SCAPER: variants seen among roughly 807,000 people sequenced by gnomAD.
SCAPER encodes the protein S-phase cyclin A associated protein in the ER, also known as S phase cyclin A-associated protein in the endoplasmic reticulum.
SCAPER carries 98 observed loss-of-function variants against 182.2 expected under a neutral mutation model. The ratio of observed to expected loss-of-function variants is 0.54; its 90% CI spans 0.46 to 0.64. The LOEUF (loss-of-function observed/expected upper bound fraction) is 0.64. Among genes scored for constraint, SCAPER ranks in the 30% least tolerant of loss-of-function variants. SCAPER has a pLI of 0.00. For missense variants in SCAPER, 1,432 were observed against 1,690.0 expected (o/e 0.85, Z 2.68); for synonymous variants, 605 against 564.6 (o/e 1.07, Z -1.01).
intron 25 of SCAPER, among the ~76,000 whole-genome samples, chr15:76,461,690 T>C (rs992929631): frequency 7.9e-5 from 12 of 152,204 alleles, no homozygotes; most frequent in Non-Finnish European, 1.6e-4. Flanking sequence ...ATATCCTTGT[T>C]TGCTAATTCT....
At chr15:76,519,940 C>T (rs1163545716) in intron 23 of SCAPER, among the ~76,000 whole-genome samples, 1 of 152,050 alleles carries the variant, frequency 6.6e-6, no homozygotes, top group African/African-American at 2.4e-5. Flanking sequence ...AATAGTATAC[C>T]CTTAATGTTC....
chr15:76,658,580 C>T (rs188182886), intron 21 of SCAPER, among the ~76,000 whole-genome samples: 19 of 152,112 alleles, frequency 1.2e-4, no homozygotes, highest in Admixed American at 1.2e-3. Context: ...TCATACGGAA[C>T]CAAAAAAGAG....
chr15:76,775,368 A>C (rs1250844015), intron 8 of SCAPER, among the ~76,000 whole-genome samples: 3 of 152,162 alleles, frequency 2.0e-5, no homozygotes, highest in African/African-American at 7.2e-5. Context: ...AGTAATAATA[A>C]ATATTTAAAT....
intron 20 of SCAPER, among the ~76,000 whole-genome samples, chr15:76,701,176 G>A (rs1203028499): frequency 1.3e-5 from 2 of 151,270 alleles, no homozygotes; most frequent in Non-Finnish European, 2.9e-5. Context: ...ACTTTTCCTG[G>A]ACAGCTTGAG....
At chr15:76,413,073 T>A (rs2142238154) in intron 26 of SCAPER, among the ~76,000 whole-genome samples, 1 of 152,354 alleles carries the variant, frequency 6.6e-6, no homozygotes, top group East Asian at 1.9e-4. Context: ...GTTATATTTG[T>A]ATATTCAAAC....
intron 24 of SCAPER, among the ~76,000 whole-genome samples, chr15:76,489,297 A>T (rs74024123): frequency 0.05 from 7,412 of 148,854 alleles, 556 homozygotes; most frequent in African/African-American, 0.16. Context: ...TTGCTATGTA[A>T]TTTTAAAAAT....
intron 21 of SCAPER, among the ~76,000 whole-genome samples, chr15:76,629,256 C>T (rs2052872891): frequency 6.6e-6 from 1 of 152,176 alleles, no homozygotes; most frequent in Non-Finnish European, 1.5e-5. Context: ...TTATTTTTTT[C>T]TCTTGCCTGA....
intron 4 of SCAPER, among the ~76,000 whole-genome samples, chr15:76,846,054 G>C (rs1181332050): frequency 1.3e-5 from 2 of 151,954 alleles, no homozygotes; most frequent in African/African-American, 4.8e-5. Flanking sequence ...CACCTACAGT[G>C]AACTTATTTT....
chr15:76,680,389 G>T (rs1185364323), intron 20 of SCAPER, among the ~76,000 whole-genome samples: 1 of 145,996 alleles, frequency 6.8e-6, no homozygotes, highest in East Asian at 2.0e-4. Flanking sequence ...GACAAAGTAG[G>T]TCATTTCATG....
intron 14 of SCAPER, among the ~76,000 whole-genome samples, chr15:76,756,441 G>A (rs1178577010): frequency 1.3e-5 from 2 of 152,054 alleles, no homozygotes. Context: ...AACCAGGCAA[G>A]ATGGCATGTG....
chr15:76,530,370 C>A (rs1162581500), intron 23 of SCAPER, among the ~76,000 whole-genome samples: 1 of 152,178 alleles, frequency 6.6e-6, no homozygotes, highest in Non-Finnish European at 1.5e-5. Context: ...TATCAGGCAT[C>A]CAATTTACTT....
Position 76,507,098 on chromosome 15 carries a change from C to T in SCAPER, c.2839-2124G>A, listed in dbSNP as rs2041650348. ...AAATTCATATGTGGAGGTCCCAACC[C>T]CTAGTATTTCAGAATATAACTGTAT... On this transcript the variant is annotated intron_variant, in intron 23 of 31. Coordinates refer to ENST00000563290, the MANE Select transcript of SCAPER (RefSeq NM_020843.4). Among the ~76,000 whole-genome samples the T allele has an allele frequency of 1.3e-5, 2 of 152,038 alleles. 1 individual carries two copies. Among genetic ancestry groups the T allele is most frequent in the South Asian group, 4.2e-4 (2 of 4,814 alleles).
chr15:76,801,115 T>C (rs1005992906), intron 6 of SCAPER, among the ~76,000 whole-genome samples: 4 of 152,246 alleles, frequency 2.6e-5, no homozygotes, highest in Admixed American at 6.5e-5. Context: ...TTTATTATCA[T>C]TACTAGTGAA....
rs984133461 is a variant in SCAPER at position 76,558,074 on chromosome 15, T to C, written c.2838+16084A>G. On this transcript the variant is annotated intron_variant, in intron 23 of 31. Transcript: ENST00000563290. ...GAAGAAAACCTAGGACATACCCTTC[T>C]GGACATAGACCCTGGCAAAGATTTC... 3.9e-5 allele frequency among the ~76,000 whole-genome samples: 6 copies of C among 152,262 alleles called. No homozygotes were observed. In the South Asian group the frequency reaches 1.0e-3, roughly 26 times the overall value.
chr15:76,351,233 A>G lies in SCAPER; in HGVS notation c.4099+4T>C. 1.9e-6 allele frequency: 3 copies of G among 1,608,162 alleles called. No homozygotes were observed. The highest frequency in any genetic ancestry group is 2.5e-6 in the Non-Finnish European group (3 of 1,177,078). On this transcript the variant is annotated splice_donor_region_variant and intron_variant, in intron 31 of 31. Transcript: ENST00000563290. ...CATGAAATTTAATTTCAATAGAGAC[A>G]TACCTTTGGGTTGGTAAGGCTGGTT...
intron 22 of SCAPER, among the ~76,000 whole-genome samples, chr15:76,616,283 A>G (rs1431200484): frequency 1.3e-5 from 2 of 152,218 alleles, no homozygotes; most frequent in African/African-American, 2.4e-5. Context: ...AGTATTATTC[A>G]GCCCTAAAAA....
chr15:76,394,174 G>C (rs558665066), intron 27 of SCAPER, among the ~76,000 whole-genome samples: 3 of 152,194 alleles, frequency 2.0e-5, no homozygotes, highest in Admixed American at 1.3e-4. Context: ...ATATTAGTCT[G>C]CATGTTGCCA....
intron 26 of SCAPER, among the ~76,000 whole-genome samples, chr15:76,428,866 C>CCATATATATATATATATATATA (rs1555432006): frequency 2.8e-4 from 22 of 79,914 alleles, no homozygotes; most frequent in African/African-American, 1.0e-3. Flanking sequence ...GATCATTATA[C>CCATATATATATATATATATATA]TATATATATA....
intron 26 of SCAPER, among the ~76,000 whole-genome samples, chr15:76,413,980 ATAAGT>A (rs2045479768): frequency 6.6e-6 from 1 of 152,176 alleles, no homozygotes; most frequent in African/African-American, 2.4e-5. Flanking sequence ...ATGGTTCTTG[ATAAGT>A]TAATATGGCA....
Sources: allele counts gnomAD v4.1 joint callset (sites outside exome capture counted in the v4.1 genomes callset), GRCh38; gene constraint gnomAD v4.1.1; transcripts MANE v1.5; gene names NCBI Gene and HGNC (gene_info 2026-07-23, HGNC 2026-07-21).